PPP6R3: variants seen among roughly 807,000 people sequenced by gnomAD.
The protein encoded by PPP6R3 is serine/threonine-protein phosphatase 6 regulatory subunit 3.
In PPP6R3, 38 loss-of-function variants were observed where a neutral mutation model predicts 110.7. The observed-to-expected ratio is 0.34, with a 90% CI of 0.26 to 0.45. The LOEUF is 0.45. PPP6R3 is among the 20% of genes least tolerant of loss of function. PPP6R3 has a pLI of 1.00. For missense variants in PPP6R3, 870 were observed against 1,062.4 expected, an observed-to-expected ratio of 0.82 and a Z score of 2.52; for synonymous variants, 369 against 373.5, an observed-to-expected ratio of 0.99 and a Z score of 0.14.
chr11:68,595,331 T>G (rs1475373585), intron 18 of PPP6R3, among the ~76,000 whole-genome samples: 2 of 146,962 alleles, frequency 1.4e-5, no homozygotes, highest in Non-Finnish European at 3.0e-5. Context: ...TTCTCCTGCC[T>G]CAGCCTCTGG....
chr11:68,480,703 C>T (rs529344582), intron 1 of PPP6R3, among the ~76,000 whole-genome samples: 5 of 152,226 alleles, frequency 3.3e-5, no homozygotes, highest in East Asian at 1.9e-4. Flanking sequence ...TGTCTTGATA[C>T]GTCCAAATAA....
intron 1 of PPP6R3, among the ~76,000 whole-genome samples, chr11:68,513,015 G>A (rs1034654741): frequency 2.0e-5 from 3 of 152,152 alleles, no homozygotes; most frequent in African/African-American, 4.8e-5. Flanking sequence ...TGCCTTGGAT[G>A]TGAGAAATCC....
intron 1 of PPP6R3, among the ~76,000 whole-genome samples, chr11:68,494,408 CA>C (rs35190764): frequency 0.045 from 2,720 of 60,416 alleles, 29 homozygotes; most frequent in African/African-American, 0.086. Context: ...CCTGTAATCT[CA>C]AAAAAAAAAA....
chr11:68,560,022 T>C (rs1349158425), intron 8 of PPP6R3, among the ~76,000 whole-genome samples: 1 of 152,170 alleles, frequency 6.6e-6, no homozygotes, highest in Non-Finnish European at 1.5e-5. Context: ...CTACTCATGC[T>C]ACAAGGCCAT....
chr11:68,601,921 A>G lies in PPP6R3; in HGVS notation c.2251A>G (p.Met751Val), dbSNP rs1485182455. ...GGAAATGGAAACCAGCACTGAACCCATGGACCCTCTGACTCCCAGTGCGGC... is the reference window on the plus strand; with the variant it reads ...GGAAATGGAAACCAGCACTGAACCCGTGGACCCTCTGACTCCCAGTGCGGC... ...PVEMETSTEP[M>V]DPLTPSAAAL... The change falls in exon 21 of 24, where the codon ATG becomes GTG. Residue 751 changes from methionine to valine, a missense_variant. Coordinates refer to ENST00000393800, the MANE Select transcript of PPP6R3 (RefSeq NM_001164161.2). 1 of 1,613,570 alleles carries G rather than the reference A, an allele frequency of 6.2e-7. No individual in the cohort carries two copies. Among genetic ancestry groups the G allele is most frequent in the Non-Finnish European group, 8.5e-7 (1 of 1,179,856 alleles).
chr11:68,574,258 G>A (rs2099521674), intron 13 of PPP6R3, 34 bp downstream of exon 13: 22 of 1,556,746 alleles, frequency 1.4e-5, no homozygotes, highest in Non-Finnish European at 1.9e-5. Context: ...TTACATTTTT[G>A]TTGGGTTGCA....
chr11:68,485,042 T>G (rs922974183), intron 1 of PPP6R3, among the ~76,000 whole-genome samples: 3 of 152,222 alleles, frequency 2.0e-5, no homozygotes, highest in African/African-American at 7.2e-5. Flanking sequence ...TTCATTTGTT[T>G]AGTTCTTCTT....
chr11:68,572,343 C>G (rs1018462322), intron 12 of PPP6R3, among the ~76,000 whole-genome samples: 5 of 152,186 alleles, frequency 3.3e-5, no homozygotes, highest in Non-Finnish European at 5.9e-5. Flanking sequence ...ATACCATTCC[C>G]TCTGTCTAGG....
intron 3 of PPP6R3, among the ~76,000 whole-genome samples, chr11:68,543,402 T>TG (rs1403295791): frequency 3.6e-5 from 3 of 82,784 alleles, no homozygotes; most frequent in Non-Finnish European, 5.3e-5. Flanking sequence ...CTGCCAGGTC[T>TG]GTTTTTTTTT....
chr11:68,525,077 T>C (rs1426394951), intron 2 of PPP6R3, among the ~76,000 whole-genome samples: 2 of 152,232 alleles, frequency 1.3e-5, no homozygotes, highest in Non-Finnish European at 2.9e-5. Context: ...AGTGCACACT[T>C]TGGAGCTAGT....
chr11:68,563,609 C>G (rs928884103), intron 8 of PPP6R3, among the ~76,000 whole-genome samples: 2 of 152,192 alleles, frequency 1.3e-5, no homozygotes, highest in African/African-American at 4.8e-5. Flanking sequence ...ACCAGACAGA[C>G]AGAATAGACA....
At position 68,569,912 on chromosome 11, in the gene PPP6R3, T is replaced by G. The variant is rs1372676578; in HGVS notation, c.1278+15T>G. ...TATTAAAACATGTAAGCTTATTTGGTCTCGTTTTTCTCCCACTCTCTCCTG... is the reference window on the plus strand; with the variant it reads ...TATTAAAACATGTAAGCTTATTTGGGCTCGTTTTTCTCCCACTCTCTCCTG... On this transcript the variant is annotated intron_variant, in intron 11 of 23. Transcript: ENST00000393800. The G allele has an allele frequency of 6.3e-7, 1 of 1,594,078 alleles. No homozygotes were observed. The highest frequency in any genetic ancestry group is 1.7e-5 in the Admixed American group (1 of 58,972).
intron 7 of PPP6R3, among the ~76,000 whole-genome samples, chr11:68,556,031 ATATAT>A (rs1565817436): frequency 1.3e-5 from 2 of 152,322 alleles, no homozygotes; most frequent in South Asian, 2.1e-4. Flanking sequence ...TATATATTTG[ATATAT>A]TATGTGATAA....
At chr11:68,611,763 A>G (rs1943533289) in intron 23 of PPP6R3, among the ~76,000 whole-genome samples, 1 of 152,194 alleles carries the variant, frequency 6.6e-6, no homozygotes, top group Non-Finnish European at 1.5e-5. Context: ...TGGAGTGGGC[A>G]TTAGGGCAGA....
At chr11:68,590,799 A>C in intron 17 of PPP6R3, 85 bp downstream of exon 17, 1 of 1,388,994 alleles carries the variant, frequency 7.2e-7, no homozygotes, top group Non-Finnish European at 9.6e-7. Flanking sequence ...ACATGCTGGG[A>C]CCCCTGTGCT....
chr11:68,486,852 G>A (rs2098950987), intron 1 of PPP6R3, among the ~76,000 whole-genome samples: 1 of 151,844 alleles, frequency 6.6e-6, no homozygotes. Flanking sequence ...TTTCATTTAG[G>A]TTATTAACAT....
At position 68,614,576 on chromosome 11, in the gene PPP6R3, TA is replaced by T; in HGVS notation, c.*1463del. ...CTAAACATTACATTGCATATGGAAA[TA>T]AAAGAATCAAACGTCTAATGCCTTA... On this transcript the variant is annotated 3_prime_UTR_variant, in exon 24 of 24. Coordinates refer to ENST00000393800, the MANE Select transcript of PPP6R3 (RefSeq NM_001164161.2). 1 of 1,506,880 alleles carries T rather than the reference TA, an allele frequency of 6.6e-7. No individual in the cohort carries two copies. The highest frequency in any genetic ancestry group is 8.8e-7 in the Non-Finnish European group (1 of 1,137,228). The allele number at this position is 1,506,880 out of a possible 1,614,324, so 93.3% of individuals were successfully genotyped here.
In PPP6R3 at chr11:68,551,128, A is replaced by G. The variant is rs2099371239; in HGVS notation, c.560A>G (p.Asn187Ser). The G allele has an allele frequency of 6.2e-7, 1 of 1,607,880 alleles. No individual in the cohort carries two copies. The highest frequency in any genetic ancestry group is 8.5e-7 in the Non-Finnish European group (1 of 1,174,990). ...QPRQDVLNWL[N>S]EEKIIQRLVE... ...CTACAATGTGTTTTACAGTGGTTAA[A>G]TGAGGAGAAAATTATCCAGAGGCTT... The change falls in exon 6 of 24, where the codon AAT becomes AGT. Residue 187 changes from asparagine (N) to serine (S), a missense_variant. Asn to Ser is a conservative substitution (Grantham distance 46). Coordinates refer to ENST00000393800, the MANE Select transcript of PPP6R3 (RefSeq NM_001164161.2).
At chr11:68,580,686 AC>A (rs2099549987) in intron 14 of PPP6R3, among the ~76,000 whole-genome samples, 5 of 132,004 alleles carry the variant, frequency 3.8e-5, no homozygotes, top group African/African-American at 1.4e-4. Context: ...AGTTTTGTAT[AC>A]ATCTGAATAA....
Sources: allele counts gnomAD v4.1 joint callset (sites outside exome capture counted in the v4.1 genomes callset), GRCh38; gene constraint gnomAD v4.1.1; transcripts MANE v1.5; gene names NCBI Gene and HGNC (gene_info 2026-07-23, HGNC 2026-07-21).